Variants in GTPBP4 observed in about 807,000 individuals in gnomAD.
GTPBP4 encodes the protein GTP binding protein 4.
In GTPBP4, 15 loss-of-function variants were observed where a neutral mutation model predicts 81.7. That is an observed-to-expected ratio of 0.18 (90% CI 0.12 to 0.28). GTPBP4 has a LOEUF of 0.28. Ranked by LOEUF, GTPBP4 falls within the 10% of genes least tolerant of loss-of-function variation. The pLI is 1.00. For synonymous variants in GTPBP4, 272 were observed against 274.6 expected (o/e 0.99, Z 0.09); for missense variants, 847 against 793.8 (o/e 1.07, Z -0.81).
chr10:1,011,095 G>A lies in GTPBP4; in HGVS notation c.1344+575G>A, dbSNP rs189060638. On this transcript the variant is annotated intron_variant, in intron 13 of 16. Coordinates refer to ENST00000360803, the MANE Select transcript of GTPBP4 (RefSeq NM_012341.3). ...TCCCTCCATCCTGACTGTGCCTCCT[G>A]CACCTCTTCCCCCCACCCCGAGACT... Among the ~76,000 whole-genome samples the A allele has an allele frequency of 1.6e-3, 124 of 79,928 alleles. 2 individuals carry two copies. Among genetic ancestry groups the A allele is most frequent in the Admixed American group, 3.2e-3 (22 of 6,912 alleles). The allele number at this position is 79,928 out of a possible 152,430, so 52.4% of individuals were successfully genotyped here. A position where few individuals can be genotyped will look rare whatever the true frequency, so the allele number is the denominator to read the frequency against.
chr10:1,011,260 G>C (rs555461366), intron 13 of GTPBP4, among the ~76,000 whole-genome samples: 1 of 152,232 alleles, frequency 6.6e-6, no homozygotes, highest in East Asian at 1.9e-4. Flanking sequence ...TGGGGGCTCC[G>C]CTGTGTCACA....
At chr10:990,795 T>A (rs1251275591) in intron 1 of GTPBP4, among the ~76,000 whole-genome samples, 1 of 148,348 alleles carries the variant, frequency 6.7e-6, no homozygotes, top group Non-Finnish European at 1.5e-5. Context: ...TAAAACATTG[T>A]TATCATGGAG....
intron 10 of GTPBP4, chr10:1,008,041 TATTA>T (rs1183749685): frequency 4.2e-6 from 2 of 473,208 alleles, no homozygotes; most frequent in East Asian, 1.2e-4. Context: ...TATTAACATA[TATTA>T]ATTTTTTTTT....
intron 2 of GTPBP4, among the ~76,000 whole-genome samples, chr10:995,646 C>T (rs1831525338): frequency 6.6e-6 from 1 of 152,112 alleles, no homozygotes; most frequent in African/African-American, 2.4e-5. Flanking sequence ...TCCTGAGCAA[C>T]AGGAAGGGTA....
Position 1,010,450 on chromosome 10 carries a change from A to G in GTPBP4, c.1274A>G (p.Lys425Arg). ...KYWDLMNLSE[K>R]HDKIPEIWEG... ...TGGGATTTAATGAATTTGTCTGAAA[A>G]ACATGATAAGATACCAGAAATCTGG... Residue 425 changes from lysine (K) to arginine (R), a missense_variant, in exon 13 of 17, where the codon AAA (lysine) becomes AGA (arginine). This residue lies in a region of GTPBP4 where 600 missense variants were observed against 557.1 expected (regional missense o/e 1.08). Transcript: ENST00000360803. 6.3e-7 allele frequency: 1 copy of G among 1,578,744 alleles called. No individual in the cohort carries two copies. The highest frequency in any genetic ancestry group is 8.7e-7 in the Non-Finnish European group (1 of 1,147,798).
chr10:1,006,714 G>A (rs1223074100), intron 9 of GTPBP4, among the ~76,000 whole-genome samples: 4 of 152,070 alleles, frequency 2.6e-5, no homozygotes, highest in South Asian at 2.1e-4. Flanking sequence ...TGCCATGGTC[G>A]CACTCAGGAA....
At chr10:1,006,064 C>T (rs763612099) in intron 9 of GTPBP4, among the ~76,000 whole-genome samples, 157 bp downstream of exon 9, 1 of 152,228 alleles carries the variant, frequency 6.6e-6, no homozygotes, top group African/African-American at 2.4e-5. Flanking sequence ...GGCGTGAAGA[C>T]AGACCCTTCT....
chr10:1,019,573 GCCA>G lies in GTPBP4; in HGVS notation c.*2352_*2354del. On this transcript the variant is annotated 3_prime_UTR_variant, in exon 17 of 17. Transcript: ENST00000360803. The stretch of plus-strand genomic sequence containing the variant: ...AACGGGGTCACGTCATCCAGGTGAG[GCCA>G]CCACCGGTACAGAAACCTCTCGGCA... 1 of 1,613,952 alleles carries G rather than the reference GCCA, an allele frequency of 6.2e-7. No individual in the cohort carries two copies. The highest frequency in any genetic ancestry group is 8.5e-7 in the Non-Finnish European group (1 of 1,179,980).
intron 8 of GTPBP4, among the ~76,000 whole-genome samples, chr10:1,005,396 C>T (rs1281927160): frequency 2.0e-5 from 3 of 152,176 alleles, no homozygotes; most frequent in African/African-American, 4.8e-5. Flanking sequence ...CCACCCGCCT[C>T]GGCCTCCCAA....
chr10:997,541 G>A (rs542655412), intron 5 of GTPBP4, among the ~76,000 whole-genome samples: 1 of 152,350 alleles, frequency 6.6e-6, no homozygotes, highest in East Asian at 1.9e-4. Flanking sequence ...AGCTCCTCTT[G>A]GTGAGGATTT....
rs1831530815 is a variant in GTPBP4 at position 995,973 on chromosome 10, C to T, written c.264C>T (p.Asp88=). Residue 88 remains aspartate, a synonymous_variant, in exon 3 of 17, where the codon GAC becomes GAT. Transcript: ENST00000360803. ...FYADLMNILY[D]KDHYKLALGQ... is the part of the protein sequence containing the mutation. Reference sequence around the variant, plus strand: ...CTGATTTGATGAATATTCTCTACGACAAGGATCATTACAAGTTGGCTCTGG... The same window carrying T: ...CTGATTTGATGAATATTCTCTACGATAAGGATCATTACAAGTTGGCTCTGG... 2 of 1,611,830 alleles carry T rather than the reference C, an allele frequency of 1.2e-6. No individual in the cohort carries two copies. Among genetic ancestry groups the T allele is most frequent in the African/African-American group, 2.7e-5 (2 of 74,988 alleles).
At chr10:1,009,421 T>C (rs1001748242) in intron 11 of GTPBP4, 108 bp from the exon 12 acceptor site, 36 of 810,538 alleles carry the variant, frequency 4.4e-5, no homozygotes, top group Non-Finnish European at 7.5e-5. Context: ...TGAACCCCAC[T>C]GATACTGAGA....
intron 1 of GTPBP4, 102 bp from the exon 2 acceptor site, chr10:992,387 G>A (rs1381489936): frequency 3.8e-5 from 27 of 703,112 alleles, no homozygotes; most frequent in Admixed American, 3.5e-4. Flanking sequence ...GCGACAGAGC[G>A]AGACTCTGTC....
At position 1,012,625 on chromosome 10, in the gene GTPBP4, A is replaced by G. The variant is rs759168766; in HGVS notation, c.1505A>G (p.Asn502Ser). 1.9e-6 allele frequency: 3 copies of G among 1,614,002 alleles called. No individual in the cohort carries two copies. The Admixed American group carries it at 5.0e-5, about 27-fold the overall frequency. Residue 502 changes from asparagine to serine, a missense_variant, in exon 14 of 17, where the codon AAT becomes AGT. Asn to Ser is a conservative substitution (Grantham distance 46). Around this residue, in one of 3 missense-constraint regions of GTPBP4, gnomAD observed 600 missense variants for 557.1 expected, o/e 1.08. Coordinates refer to ENST00000360803, the MANE Select transcript of GTPBP4 (RefSeq NM_012341.3). ...KLKILESKEK[N>S]TQGPRMPRTA... ...AAAATTCTGGAGTCCAAAGAAAAGA[A>G]TACACAGGGACCCAGGATGCCGCGA...
rs368911024 is a variant in GTPBP4 at position 1,019,500 on chromosome 10, C to G, written c.*2273C>G. 4.4e-6 allele frequency: 7 copies of G among 1,598,434 alleles called. No individual in the cohort carries two copies. The highest frequency in any genetic ancestry group is 6.0e-6 in the Non-Finnish European group (7 of 1,170,388). ...CACTGAGGGCATTACACATGGCTGA[C>G]TCGACCTCCCTGCCTCTCACACTCT... On this transcript the variant is annotated 3_prime_UTR_variant, in exon 17 of 17. Coordinates refer to ENST00000360803, the MANE Select transcript of GTPBP4 (RefSeq NM_012341.3).
chr10:1,000,941 T>C lies in GTPBP4; in HGVS notation c.847-7T>C, dbSNP rs1554816193. On this transcript the variant is annotated splice_region_variant and splice_polypyrimidine_tract_variant and intron_variant, in intron 7 of 16. Transcript: ENST00000360803. ...TAATGATTTCATTATTTTTCTTCCTTGCCTAGCCTCTCATAGTTGTAGCCA... is the reference window on the plus strand; with the variant it reads ...TAATGATTTCATTATTTTTCTTCCTCGCCTAGCCTCTCATAGTTGTAGCCA... 6.2e-7 allele frequency: 1 copy of C among 1,612,280 alleles called. No individual in the cohort carries two copies. The highest frequency in any genetic ancestry group is 8.5e-7 in the Non-Finnish European group (1 of 1,178,400).
At chr10:1,008,607 T>C (rs1218629872) in intron 10 of GTPBP4, among the ~76,000 whole-genome samples, 1 of 152,230 alleles carries the variant, frequency 6.6e-6, no homozygotes, top group Non-Finnish European at 1.5e-5. Flanking sequence ...TTCTTTCATC[T>C]GTTGATCCAG....
At chr10:990,473 A>G (rs1831422346) in intron 1 of GTPBP4, among the ~76,000 whole-genome samples, 1 of 152,152 alleles carries the variant, frequency 6.6e-6, no homozygotes, top group Admixed American at 6.5e-5. Flanking sequence ...CTGTAATCCC[A>G]GCACTTTGGG....
intron 14 of GTPBP4, among the ~76,000 whole-genome samples, chr10:1,013,156 G>C (rs1831912131): frequency 6.6e-6 from 1 of 151,832 alleles, no homozygotes; most frequent in Admixed American, 6.6e-5. Flanking sequence ...GCTAACTTTT[G>C]TATTTTTAGT....
Sources: allele counts gnomAD v4.1 joint callset (sites outside exome capture counted in the v4.1 genomes callset), GRCh38; gene constraint gnomAD v4.1.1; regional missense constraint gnomAD v4.1.1; transcripts MANE v1.5; gene names NCBI Gene and HGNC (gene_info 2026-07-23, HGNC 2026-07-21).